The following TENM1 variants were observed in gnomAD, a reference collection of about 807,000 sequenced individuals.
TENM1 encodes teneurin transmembrane protein 1, also known as teneurin-1.
TENM1 carries 35 observed loss-of-function variants against 174.8 expected under a neutral mutation model. The observed-to-expected ratio is 0.20, with a 90% CI of 0.15 to 0.27. TENM1 has a LOEUF of 0.27. Ranked by LOEUF, TENM1 falls within the 10% of genes least tolerant of loss-of-function variation. The probability of loss-of-function intolerance (pLI) is 1.00; values close to 1 mark genes in which losing one functional copy is unlikely to be tolerated. For missense variants in TENM1, 1,633 were observed against 2,130.1 expected (o/e 0.77, Z 4.59); for synonymous variants, 781 against 798.7 (o/e 0.98, Z 0.37).
the TENM1 span, among the ~76,000 whole-genome samples, chrX:125,071,333 A>G: frequency 8.9e-6 from 1 of 112,069 alleles, no homozygotes; most frequent in South Asian, 3.7e-4. Flanking sequence ...AATTTACTGA[A>G]GGAAAAATAA....
intron 4 of TENM1, among the ~76,000 whole-genome samples, chrX:124,715,486 A>G (rs1360763312): frequency 9.0e-6 from 1 of 111,107 alleles, no homozygotes; most frequent in Non-Finnish European, 1.9e-5. Flanking sequence ...GAAACTGATG[A>G]TTTTATAAAA....
rs773506569 is a variant in TENM1 at position 124,633,259 on chromosome X, G to C, written c.2077+8532C>G. On this transcript the variant is annotated intron_variant, in intron 11 of 31. Coordinates refer to ENST00000422452, the Ensembl canonical transcript of TENM1. The stretch of plus-strand genomic sequence containing the variant: ...TGTCCAAATGGATTCTTACTGTACT[G>C]TACTTTATGTAAATAAACATGCACT... Among the ~76,000 whole-genome samples the C allele has an allele frequency of 7.1e-5, 8 of 111,899 alleles. No homozygotes were observed. The South Asian group carries it at 2.6e-3, about 37-fold the overall frequency.
At chrX:124,503,401 A>G (rs1224641044) in intron 19 of TENM1, among the ~76,000 whole-genome samples, 159 bp downstream of exon 22, 1 of 111,860 alleles carries the variant, frequency 8.9e-6, no homozygotes, top group Non-Finnish European at 1.9e-5. Flanking sequence ...TACCACACTA[A>G]GAGTAATTCA....
At chrX:124,773,212 T>A (rs1188758792) in intron 3 of TENM1, among the ~76,000 whole-genome samples, 1 of 111,534 alleles carries the variant, frequency 9.0e-6, no homozygotes, top group Non-Finnish European at 1.9e-5. Context: ...CTAGTTGCCT[T>A]GGAAGCACTG....
rs144651700 is a variant in TENM1 at position 124,797,913 on chromosome X, T to A, written c.536-60716A>T. 9.0e-3 allele frequency among the ~76,000 whole-genome samples: 994 copies of A among 110,837 alleles called. 15 individuals carry two copies. The highest frequency in any genetic ancestry group is 0.031 in the African/African-American group (929 of 30,421). On this transcript the variant is annotated intron_variant, in intron 3 of 31. Transcript: ENST00000422452. ...TCCCTGTGTCCATGTGGTCTCATTG[T>A]TCAACCCCCACTTATGAGTGAGAAC...
At chrX:124,698,326 T>C (rs759936573) in intron 5 of TENM1, among the ~76,000 whole-genome samples, 1 of 111,024 alleles carries the variant, frequency 9.0e-6, no homozygotes, top group Non-Finnish European at 1.9e-5. Flanking sequence ...TCTTGACTAA[T>C]AGCATCACCA....
intron 6 of TENM1, among the ~76,000 whole-genome samples, chrX:124,665,265 G>A (rs1005759857): frequency 2.7e-5 from 3 of 111,726 alleles, no homozygotes; most frequent in East Asian, 5.7e-4. Flanking sequence ...GCTTGAACCC[G>A]GGAGGCGGAA....
chrX:124,850,707 C>T (rs1218398152), intron 3 of TENM1, among the ~76,000 whole-genome samples: 3 of 110,450 alleles, frequency 2.7e-5, no homozygotes, highest in African/African-American at 9.9e-5. Context: ...GTACAATGTG[C>T]CATGCCAGAA....
At chrX:124,551,975 A>G (rs912483592) in intron 14 of TENM1, among the ~76,000 whole-genome samples, 1 of 112,045 alleles carries the variant, frequency 8.9e-6, no homozygotes, top group African/African-American at 3.2e-5. Context: ...AGTTGTTGGA[A>G]TGTGTTCATT....
chrX:125,117,151 T>C, the TENM1 span, among the ~76,000 whole-genome samples: 2 of 111,845 alleles, frequency 1.8e-5, no homozygotes, highest in African/African-American at 6.5e-5. Flanking sequence ...CTCAAGGATC[T>C]AGAACCAGAA....
At chrX:124,674,342 A>G (rs946285215) in intron 5 of TENM1, among the ~76,000 whole-genome samples, 1 of 102,328 alleles carries the variant, frequency 9.8e-6, no homozygotes. Flanking sequence ...GAATCTGCTC[A>G]TAAGCCATTT....
In TENM1 at chrX:124,458,948, G is replaced by A. The variant is rs773168169; in HGVS notation, c.3950-5457C>T. 5.4e-5 allele frequency among the ~76,000 whole-genome samples: 6 copies of A among 112,123 alleles called. No homozygotes were observed. The South Asian group carries it at 1.1e-3, about 21-fold the overall frequency. On this transcript the variant is annotated intron_variant, in intron 22 of 31. Transcript: ENST00000422452. Reference sequence around the variant, plus strand: ...TCAAGATTTATTCTGCACCCTCTGCGTGTGAGCACTGTCCTAGGCAATGAG... The same window carrying A: ...TCAAGATTTATTCTGCACCCTCTGCATGTGAGCACTGTCCTAGGCAATGAG...
At chrX:124,666,856 C>T (rs1393797210) in intron 6 of TENM1, among the ~76,000 whole-genome samples, 2 of 88,434 alleles carry the variant, frequency 2.3e-5, no homozygotes, top group African/African-American at 8.4e-5. Context: ...ACATGTAACC[C>T]ATCTACCCCT....
the TENM1 span, among the ~76,000 whole-genome samples, chrX:124,974,660 T>C: frequency 1.8e-5 from 2 of 108,759 alleles, no homozygotes; most frequent in African/African-American, 3.3e-5. Context: ...CCTCAAAACT[T>C]TTCATGGACA....
chrX:124,532,430 C>A (rs1602611646), intron 15 of TENM1, among the ~76,000 whole-genome samples: 1 of 111,683 alleles, frequency 9.0e-6, no homozygotes, highest in Admixed American at 9.5e-5. Context: ...TAAAAGTTAT[C>A]ATTATTCTGT....
chrX:124,422,086 T>C (rs1430756755), intron 24 of TENM1, among the ~76,000 whole-genome samples, 186 bp downstream of exon 27: 1 of 112,067 alleles, frequency 8.9e-6, no homozygotes, highest in East Asian at 2.8e-4. Flanking sequence ...TTTGCTAGGG[T>C]CACTCAGTGA....
At chrX:124,869,794 C>G (rs2057075324) in intron 3 of TENM1, among the ~76,000 whole-genome samples, 1 of 95,550 alleles carries the variant, frequency 1.0e-5, no homozygotes, top group South Asian at 5.0e-4. Context: ...CTCGCAGACA[C>G]AGAGAGTAGA....
rs2048922281 is a variant in TENM1 at position 124,565,565 on chromosome X, G to A, written c.2078-5C>T. ...CACACTCCATGGTACACAGCTCTGT[G>A]GGGAATTCAAAGAAGACATATTAAC... On this transcript the variant is annotated splice_region_variant and splice_polypyrimidine_tract_variant and intron_variant, in intron 11 of 31. Transcript: ENST00000422452. 5 of 1,133,930 alleles carry A rather than the reference G, an allele frequency of 4.4e-6. No homozygotes were observed. The East Asian group carries it at 1.6e-4, about 36-fold the overall frequency. 93.4% of individuals were successfully genotyped at this position (1,133,930 alleles called of 1,213,427 possible).
chrX:124,898,079 T>C (rs1248675644), intron 1 of TENM1, among the ~76,000 whole-genome samples: 4 of 112,043 alleles, frequency 3.6e-5, no homozygotes, highest in Non-Finnish European at 7.5e-5. Context: ...ACAACTTACT[T>C]CACTCCCCTA....
Sources: allele counts gnomAD v4.1 joint callset (sites outside exome capture counted in the v4.1 genomes callset), GRCh38; gene constraint gnomAD v4.1.1; transcripts MANE v1.5; gene names NCBI Gene and HGNC (gene_info 2026-07-23, HGNC 2026-07-21).